SYTL3: variants seen among roughly 807,000 people sequenced by gnomAD.
SYTL3 encodes the protein synaptotagmin-like protein 3.
SYTL3 carries 88 observed loss-of-function variants against 82.1 expected under a neutral mutation model. The observed-to-expected ratio is 1.07, with a 90% CI of 0.90 to 1.28. SYTL3 has a LOEUF of 1.28. Ranked by LOEUF, SYTL3 falls within the 50% of genes most tolerant of loss-of-function variation. The pLI is 0.00. For synonymous variants in SYTL3, 311 were observed against 289.4 expected (o/e 1.07, Z -0.76); for missense variants, 831 against 757.6 (o/e 1.10, Z -1.14).
At chr6:158,670,368 G>A (rs1376018210) in intron 5 of SYTL3, among the ~76,000 whole-genome samples, 3 of 152,228 alleles carry the variant, frequency 2.0e-5, no homozygotes, top group African/African-American at 7.2e-5. Flanking sequence ...AATGCCAAGT[G>A]TGATACAGGA....
At chr6:158,745,457 AT>A (rs1370899789) in intron 11 of SYTL3, 22 bp from the exon 12 acceptor site, 16 of 1,591,764 alleles carry the variant, frequency 1.0e-5, no homozygotes, top group Non-Finnish European at 1.4e-5. Flanking sequence ...GTAACTTATT[AT>A]ATCTGTTATT....
At position 158,715,153 on chromosome 6, in the gene SYTL3, C is replaced by G. The variant is rs1323055647; in HGVS notation, c.595+1275C>G. Among the ~76,000 whole-genome samples the G allele has an allele frequency of 2.0e-5, 3 of 152,156 alleles. No homozygotes were observed. In the East Asian group the frequency reaches 5.8e-4, roughly 29 times the overall value. On this transcript the variant is annotated intron_variant, in intron 9 of 17. Transcript: ENST00000611299. ...TGTGGGTGCTATTTTCCCACCCACC[C>G]CCTTGTATTTGTCATGTATGGGTGG...
intron 11 of SYTL3, among the ~76,000 whole-genome samples, chr6:158,738,016 CCTGGATGCTTT>C: frequency 6.6e-6 from 1 of 152,282 alleles, no homozygotes; most frequent in Non-Finnish European, 1.5e-5. Flanking sequence ...GACAATGCTT[CCTGGATGCTTT>C]ATAATTCTGG....
chr6:158,675,232 A>G (rs1277844464), intron 5 of SYTL3, among the ~76,000 whole-genome samples: 1 of 152,146 alleles, frequency 6.6e-6, no homozygotes, highest in Non-Finnish European at 1.5e-5. Flanking sequence ...CAGAGCTTGT[A>G]GCTGTGAATA....
At chr6:158,725,897 T>C (rs927798380) in intron 11 of SYTL3, 17 of 699,176 alleles carry the variant, frequency 2.4e-5, no homozygotes, top group African/African-American at 2.3e-4. Flanking sequence ...ACCAGTGCTC[T>C]GTAGCTTTCT....
intron 5 of SYTL3, among the ~76,000 whole-genome samples, chr6:158,674,343 C>T (rs976291700): frequency 2.0e-5 from 3 of 152,042 alleles, no homozygotes; most frequent in Non-Finnish European, 2.9e-5. Context: ...CTGGCTCTTC[C>T]TTCTATCTTG....
intron 5 of SYTL3, among the ~76,000 whole-genome samples, chr6:158,670,058 G>A (rs962109131): frequency 1.3e-5 from 2 of 152,218 alleles, no homozygotes; most frequent in African/African-American, 4.8e-5. Context: ...TTGCATGAAA[G>A]AATTTTTATT....
At chr6:158,746,229 G>T (rs1787623030) in intron 12 of SYTL3, among the ~76,000 whole-genome samples, 1 of 151,930 alleles carries the variant, frequency 6.6e-6, no homozygotes, top group Admixed American at 6.6e-5. Context: ...TGTAGGTCAG[G>T]CTTCAACTAT....
chr6:158,704,069 C>A, intron 6 of SYTL3, among the ~76,000 whole-genome samples: 1 of 151,812 alleles, frequency 6.6e-6, no homozygotes, highest in East Asian at 1.9e-4. Context: ...TCAAGTGATC[C>A]GCCTGCCTCA....
At chr6:158,722,750 T>A (rs577291787) in intron 10 of SYTL3, among the ~76,000 whole-genome samples, 21 of 148,312 alleles carry the variant, frequency 1.4e-4, no homozygotes, top group Admixed American at 4.7e-4. Context: ...AAAAAGATTT[T>A]CTCTCTTTTC....
At chr6:158,700,988 G>A (rs1781158430) in intron 6 of SYTL3, among the ~76,000 whole-genome samples, 2 of 152,230 alleles carry the variant, frequency 1.3e-5, no homozygotes, top group Admixed American at 1.3e-4. Flanking sequence ...AGATGCAGAA[G>A]ATGAGGCCAT....
At chr6:158,708,900 T>C (rs922623122) in intron 8 of SYTL3, among the ~76,000 whole-genome samples, 2 of 152,184 alleles carry the variant, frequency 1.3e-5, no homozygotes, top group East Asian at 1.9e-4. Context: ...GCTTGACTTA[T>C]GATGAGGTTA....
intron 16 of SYTL3, among the ~76,000 whole-genome samples, chr6:158,762,954 G>C (rs1408063640): frequency 2.0e-5 from 3 of 152,148 alleles, no homozygotes; most frequent in Non-Finnish European, 4.4e-5. Flanking sequence ...TAATCTTGTT[G>C]CTTATCTGCA....
chr6:158,645,075 G>A (rs1398923459), upstream of SYTL3, among the ~76,000 whole-genome samples: 4 of 152,216 alleles, frequency 2.6e-5, no homozygotes, highest in Non-Finnish European at 4.4e-5. Flanking sequence ...GTGGATTGAC[G>A]CGGACGTTCA....
At chr6:158,717,308 GTTT>G (rs10554536) in intron 9 of SYTL3, among the ~76,000 whole-genome samples, 25,192 of 148,684 alleles carry the variant, frequency 0.17, 2,419 homozygotes, top group African/African-American at 0.27. Context: ...AATTTTACCT[GTTT>G]TTTTTTTTTT....
intron 5 of SYTL3, among the ~76,000 whole-genome samples, chr6:158,676,258 A>G (rs1395975000): frequency 1.3e-5 from 2 of 152,224 alleles, no homozygotes; most frequent in African/African-American, 2.4e-5. Context: ...TTGCATATCT[A>G]CAACTATCTG....
chr6:158,646,369 T>C (rs1219896941), upstream of SYTL3, among the ~76,000 whole-genome samples: 1 of 152,176 alleles, frequency 6.6e-6, no homozygotes, highest in Non-Finnish European at 1.5e-5. Context: ...GGGATCTCAC[T>C]GTGTTGCCCA....
intron 13 of SYTL3, among the ~76,000 whole-genome samples, chr6:158,754,872 C>T (rs532421710): frequency 2.0e-5 from 3 of 152,316 alleles, no homozygotes; most frequent in African/African-American, 7.2e-5. Context: ...CCTGGGGGCC[C>T]GAGCCCGACC....
chr6:158,660,205 C>A (rs1026756833), intron 2 of SYTL3, among the ~76,000 whole-genome samples: 2 of 152,084 alleles, frequency 1.3e-5, no homozygotes, highest in Non-Finnish European at 2.9e-5. Flanking sequence ...GCGGAGGTTG[C>A]AGTGAGCCGA....
Sources: allele counts gnomAD v4.1 joint callset (sites outside exome capture counted in the v4.1 genomes callset), GRCh38; gene constraint gnomAD v4.1.1; transcripts MANE v1.5; gene names NCBI Gene and HGNC (gene_info 2026-07-23, HGNC 2026-07-21).